The following UST variants were observed in gnomAD, a reference collection of about 807,000 sequenced individuals.
UST encodes uronyl 2-sulfotransferase.
UST carries 21 observed loss-of-function variants against 45.6 expected under a neutral mutation model. The ratio of observed to expected loss-of-function variants is 0.46; its 90% CI spans 0.33 to 0.66. UST has a LOEUF of 0.66. UST is among the 30% of genes least tolerant of loss of function. The probability of loss-of-function intolerance (pLI) is 0.02; values close to 1 mark genes in which losing one functional copy is unlikely to be tolerated. For synonymous variants in UST, 215 were observed against 200.6 expected, an observed-to-expected ratio of 1.07 and a Z score of -0.61; for missense variants, 463 against 512.4, an observed-to-expected ratio of 0.90 and a Z score of 0.93.
At chr6:149,070,942 A>C (rs920251896) in intron 7 of UST, among the ~76,000 whole-genome samples, 2 of 151,936 alleles carry the variant, frequency 1.3e-5, no homozygotes, top group Non-Finnish European at 2.9e-5. Context: ...TAATTTGTGT[A>C]TTTTTAGTAG....
chr6:148,953,401 C>T (rs1440287456), intron 3 of UST, among the ~76,000 whole-genome samples: 2 of 152,208 alleles, frequency 1.3e-5, no homozygotes, highest in Non-Finnish European at 1.5e-5. Context: ...TTGGATAGCA[C>T]TGTTTTATTC....
chr6:149,007,587 CT>C (rs377611649), intron 5 of UST, among the ~76,000 whole-genome samples: 3 of 150,682 alleles, frequency 2.0e-5, no homozygotes, highest in African/African-American at 4.9e-5. Flanking sequence ...CGCGCCTGGC[CT>C]TTTTTTTGTA....
chr6:149,035,585 C>T (rs1196460102), intron 7 of UST, among the ~76,000 whole-genome samples: 1 of 151,596 alleles, frequency 6.6e-6, no homozygotes, highest in African/African-American at 2.4e-5. Context: ...TGAAACCTGT[C>T]TCTACAAAAA....
Position 148,851,922 on chromosome 6 carries a change from C to A in UST, c.248-35064C>A, listed in dbSNP as rs113508780. On this transcript the variant is annotated intron_variant, in intron 1 of 7. Transcript: ENST00000367463. Reference sequence around the variant, plus strand: ...GGTGGCTGCCAACTGAGGGGCTGCCCCTGATGAGGCCGAGTGAGTGAGGCC... The same window carrying A: ...GGTGGCTGCCAACTGAGGGGCTGCCACTGATGAGGCCGAGTGAGTGAGGCC... Among the ~76,000 whole-genome samples the A allele has an allele frequency of 6.1e-3, 927 of 152,292 alleles. 6 individuals are homozygous for A. Among genetic ancestry groups the A allele is most frequent in the African/African-American group, 0.021 (879 of 41,562 alleles).
chr6:149,042,605 C>A (rs947842782), intron 7 of UST, among the ~76,000 whole-genome samples: 1 of 152,166 alleles, frequency 6.6e-6, no homozygotes, highest in Non-Finnish European at 1.5e-5. Context: ...TGGTGGATGT[C>A]CAGGCGTGGC....
At chr6:148,999,747 A>C (rs1781513151) in intron 5 of UST, among the ~76,000 whole-genome samples, 1 of 151,890 alleles carries the variant, frequency 6.6e-6, no homozygotes, top group Non-Finnish European at 1.5e-5. Context: ...CTAACTTTGC[A>C]AGTTTCACTC....
At chr6:149,020,805 CAAAAT>C (rs1210647937) in intron 6 of UST, among the ~76,000 whole-genome samples, 6 of 152,100 alleles carry the variant, frequency 3.9e-5, no homozygotes, top group Non-Finnish European at 7.4e-5. Context: ...TCTAGACAAA[CAAAAT>C]AAAACAAAAC....
intron 1 of UST, among the ~76,000 whole-genome samples, chr6:148,871,117 C>CCT (rs749134391): frequency 0.014 from 1,324 of 97,598 alleles, 52 homozygotes; most frequent in African/African-American, 0.048. Flanking sequence ...GCATTCTCTC[C>CCT]CTCTCTCTCT....
chr6:148,921,884 C>A (rs1327433637), intron 2 of UST, among the ~76,000 whole-genome samples: 2 of 152,130 alleles, frequency 1.3e-5, no homozygotes, highest in Non-Finnish European at 2.9e-5. Flanking sequence ...GTGCCCCAGC[C>A]ATGTGATACA....
intron 5 of UST, among the ~76,000 whole-genome samples, chr6:149,017,293 C>A (rs943408081): frequency 2.0e-5 from 3 of 151,754 alleles, no homozygotes; most frequent in African/African-American, 7.3e-5. Flanking sequence ...AGGAGAATGG[C>A]GTGAACCCGG....
Position 148,870,605 on chromosome 6 carries a change from G to A in UST, c.248-16381G>A, listed in dbSNP as rs184653182. On this transcript the variant is annotated intron_variant, in intron 1 of 7. Coordinates refer to ENST00000367463, the MANE Select transcript of UST (RefSeq NM_005715.3). ...CGCCTGCCCTTCTCTTGCTGTCAGC[G>A]TCCCTCTTTTCTTCCAGATACAGCT... is the stretch of plus-strand genomic sequence containing the variant. Among the ~76,000 whole-genome samples, 973 of 152,274 alleles carry A rather than the reference G, an allele frequency of 6.4e-3. 39 individuals are homozygous for A. The highest frequency in any genetic ancestry group is 0.059 in the Admixed American group (907 of 15,294).
chr6:149,010,913 A>AAAACAAAAAAC (rs1554234079), intron 5 of UST, among the ~76,000 whole-genome samples: 2 of 92,968 alleles, frequency 2.2e-5, no homozygotes, highest in African/African-American at 4.4e-5. Flanking sequence ...AAAAAAAAAA[A>AAAACAAAAAAC]AAAAAACTGT....
chr6:149,059,975 C>T (rs897988795), intron 7 of UST, among the ~76,000 whole-genome samples: 9 of 152,198 alleles, frequency 5.9e-5, no homozygotes, highest in Admixed American at 2.0e-4. Flanking sequence ...CAGCGACCTA[C>T]CCCACACAGA....
chr6:149,057,897 T>G (rs548580820), intron 7 of UST, among the ~76,000 whole-genome samples: 1 of 152,352 alleles, frequency 6.6e-6, no homozygotes, highest in South Asian at 2.1e-4. Context: ...TATTCTTGTT[T>G]TCCTAAGTTT....
chr6:148,872,426 T>G (rs1478492724), intron 1 of UST, among the ~76,000 whole-genome samples: 1 of 149,162 alleles, frequency 6.7e-6, no homozygotes, highest in East Asian at 1.9e-4. Context: ...ATAAAAAATG[T>G]ATCAGTTTAT....
chr6:148,992,528 A>C (rs1463167349), intron 5 of UST, among the ~76,000 whole-genome samples: 1 of 152,166 alleles, frequency 6.6e-6, no homozygotes, highest in Non-Finnish European at 1.5e-5. Flanking sequence ...TGTGGACCTC[A>C]CTTTGAGAAC....
chr6:149,017,799 T>TATATATATACACAC (rs956279478), intron 5 of UST, among the ~76,000 whole-genome samples: 57 of 148,912 alleles, frequency 3.8e-4, no homozygotes, highest in African/African-American at 1.4e-3. Flanking sequence ...TATCCATATA[T>TATATATATACACAC]ACACACACAC....
At chr6:148,903,866 G>A (rs897165163) in intron 2 of UST, among the ~76,000 whole-genome samples, 7 of 152,162 alleles carry the variant, frequency 4.6e-5, no homozygotes, top group Admixed American at 4.6e-4. Context: ...CAAAGTACTG[G>A]ACACCCTGGA....
intron 3 of UST, among the ~76,000 whole-genome samples, chr6:148,948,054 C>T (rs913205777): frequency 6.6e-6 from 1 of 152,176 alleles, no homozygotes; most frequent in Non-Finnish European, 1.5e-5. Context: ...TTGATCATGT[C>T]ATTGCTCCCC....
Sources: gnomAD v4.1 joint callset for allele counts (sites outside exome capture counted in the v4.1 genomes callset) on GRCh38, gnomAD v4.1.1 for gene constraint, MANE v1.5 for transcripts, NCBI Gene and HGNC (gene_info 2026-07-23, HGNC 2026-07-21) for gene names.